Variants in BMPER observed in about 807,000 individuals in gnomAD.
The protein encoded by BMPER is BMP-binding endothelial regulator protein.
In BMPER, 45 loss-of-function variants were observed where a neutral mutation model predicts 87.3. That is an observed-to-expected ratio of 0.52 (90% CI 0.41 to 0.66). The LOEUF is 0.66. Ranked by LOEUF, BMPER falls within the 30% of genes least tolerant of loss-of-function variation. The pLI is 0.00. For missense variants in BMPER, 784 were observed against 867.5 expected (o/e 0.90, Z 1.21); for synonymous variants, 326 against 316.2 (o/e 1.03, Z -0.33).
At chr7:34,113,667 A>G (rs185423810) in intron 13 of BMPER, among the ~76,000 whole-genome samples, 4 of 152,182 alleles carry the variant, frequency 2.6e-5, no homozygotes, top group African/African-American at 9.6e-5. Context: ...GTTCTTCATC[A>G]TGCGCCAGGT....
chr7:34,101,714 G>A lies in BMPER; in HGVS notation c.1745+15622G>A, dbSNP rs73112342. On this transcript the variant is annotated intron_variant, in intron 13 of 14. Transcript: ENST00000649409. ...GTCTGTCCTTCAGTTCTTGGGAACT[G>A]TGACCGACTTCCTGTCATGCTGGTC... 7.6e-3 allele frequency among the ~76,000 whole-genome samples: 1,151 copies of A among 152,262 alleles called. 4 individuals carry two copies. Among genetic ancestry groups the A allele is most frequent in the Non-Finnish European group, 0.013 (870 of 68,028 alleles).
chr7:34,099,894 GTT>G (rs10706249), intron 13 of BMPER, among the ~76,000 whole-genome samples: 43 of 149,974 alleles, frequency 2.9e-4, no homozygotes, highest in Admixed American at 5.3e-4. Flanking sequence ...GTCACAGTTT[GTT>G]TTTTTTTTCA....
intron 6 of BMPER, among the ~76,000 whole-genome samples, chr7:33,977,076 A>G (rs749086559): frequency 1.1e-4 from 16 of 152,198 alleles, no homozygotes; most frequent in Non-Finnish European, 2.2e-4. Flanking sequence ...CTTTAGATTA[A>G]TAGAATAAAT....
chr7:34,095,120 A>C (rs1006491967), intron 13 of BMPER, among the ~76,000 whole-genome samples: 1 of 152,218 alleles, frequency 6.6e-6, no homozygotes, highest in African/African-American at 2.4e-5. Context: ...GATTGAACTG[A>C]AGGGGAAGGT....
At chr7:33,947,383 A>G (rs536689023) in intron 3 of BMPER, among the ~76,000 whole-genome samples, 1 of 152,288 alleles carries the variant, frequency 6.6e-6, no homozygotes, top group African/African-American at 2.4e-5. Flanking sequence ...AATTGTCCAC[A>G]AGAGTTTGAT....
intron 3 of BMPER, among the ~76,000 whole-genome samples, chr7:33,961,755 G>A (rs1167122452): frequency 2.6e-5 from 4 of 152,124 alleles, no homozygotes; most frequent in Admixed American, 6.5e-5. Context: ...GGATGGTGGG[G>A]TCAGAAGCCA....
At chr7:33,938,119 C>G (rs1296338250) in intron 3 of BMPER, among the ~76,000 whole-genome samples, 1 of 152,200 alleles carries the variant, frequency 6.6e-6, no homozygotes, top group Non-Finnish European at 1.5e-5. Context: ...TGATTTTCCC[C>G]CTCTGTGGTT....
chr7:34,073,497 T>C lies in BMPER; in HGVS notation c.1079-5360T>C, dbSNP rs553388519. Among the ~76,000 whole-genome samples the C allele has an allele frequency of 3.3e-5, 5 of 152,340 alleles. No homozygotes were observed. In the South Asian group the frequency reaches 1.0e-3, roughly 32 times the overall value. On this transcript the variant is annotated intron_variant, in intron 11 of 14. Transcript: ENST00000649409. Reference sequence around the variant, plus strand: ...AATCTTATGGGACCACTGTCACTCATGTGGTTTGTTGTTGATGGAAACATC... The same window carrying C: ...AATCTTATGGGACCACTGTCACTCACGTGGTTTGTTGTTGATGGAAACATC...
chr7:34,131,664 C>A (rs10807873), intron 13 of BMPER, among the ~76,000 whole-genome samples: 1 of 151,902 alleles, frequency 6.6e-6, no homozygotes, highest in Non-Finnish European at 1.5e-5. Context: ...TTTTCCTCAC[C>A]GCCATTTGTG....
intron 13 of BMPER, among the ~76,000 whole-genome samples, chr7:34,094,738 C>T (rs957385590): frequency 6.6e-6 from 1 of 152,138 alleles, no homozygotes; most frequent in African/African-American, 2.4e-5. Context: ...GAGGACCTAC[C>T]CCATTGCTAT....
chr7:34,027,244 A>G (rs1035466792), intron 6 of BMPER, among the ~76,000 whole-genome samples: 3 of 152,134 alleles, frequency 2.0e-5, no homozygotes, highest in East Asian at 1.9e-4. Flanking sequence ...TTTTTATTAT[A>G]ACACAAAGAC....
At chr7:33,972,545 A>G (rs1785575500) in intron 5 of BMPER, among the ~76,000 whole-genome samples, 1 of 152,086 alleles carries the variant, frequency 6.6e-6, no homozygotes, top group Non-Finnish European at 1.5e-5. Context: ...TTTATACACA[A>G]GAAGAAACTA....
chr7:34,099,087 G>C (rs995282397), intron 13 of BMPER, among the ~76,000 whole-genome samples: 14 of 152,166 alleles, frequency 9.2e-5, no homozygotes, highest in African/African-American at 3.1e-4. Flanking sequence ...CCAGGAGTAA[G>C]AGCTTACACT....
At chr7:34,102,779 T>C (rs772728392) in intron 13 of BMPER, among the ~76,000 whole-genome samples, 4 of 152,158 alleles carry the variant, frequency 2.6e-5, no homozygotes, top group Non-Finnish European at 5.9e-5. Flanking sequence ...TGGACCCTCC[T>C]AACTTAGAGT....
In BMPER at chr7:34,153,279, G is replaced by GTTTCGATCC; in HGVS notation, c.*9_*17dup. On this transcript the variant is annotated 3_prime_UTR_variant, in exon 15 of 15. Transcript: ENST00000649409. ...TCCTTTGTCCCCAGCGGTGACCTTT[G>GTTTCGATCC]TTTCGATCCTTAAGACTCTGAAATC... 6.2e-7 allele frequency: 1 copy of GTTTCGATCC among 1,613,842 alleles called. No individual in the cohort carries two copies. The highest frequency in any genetic ancestry group is 8.5e-7 in the Non-Finnish European group (1 of 1,179,898).
At position 34,154,458 on chromosome 7, in the gene BMPER, C is replaced by T. The variant is rs1173519421; in HGVS notation, c.*1185C>T. 6.6e-6 allele frequency: 1 copy of T among 152,158 alleles called. No individual in the cohort carries two copies. Among genetic ancestry groups the T allele is most frequent in the African/African-American group, 2.4e-5 (1 of 41,454 alleles). 9.4% of individuals were successfully genotyped at this position (152,158 alleles called of 1,614,324 possible). The stretch of plus-strand genomic sequence containing the variant: ...CCACTGTGTCTTAAAATAAAATGTT[C>T]TGCATTGTAGTCAATAAAGGGCTTA... On this transcript the variant is annotated 3_prime_UTR_variant, in exon 15 of 15. Coordinates refer to ENST00000649409, the MANE Select transcript of BMPER (RefSeq NM_001365308.1).
chr7:33,969,375 T>C lies in BMPER; in HGVS notation c.403-954T>C, dbSNP rs1245788373. ...AAGGTGATTAGAGTCCCAATATCAA[T>C]TTGCAAATGACTCACTTAATTTATT... is the stretch of plus-strand genomic sequence containing the variant. On this transcript the variant is annotated intron_variant, in intron 4 of 14. Transcript: ENST00000649409. 2.0e-5 allele frequency among the ~76,000 whole-genome samples: 3 copies of C among 152,186 alleles called. No homozygotes were observed. In the East Asian group the frequency reaches 5.8e-4, roughly 29 times the overall value.
At chr7:33,924,408 A>G (rs1784308975) in intron 2 of BMPER, among the ~76,000 whole-genome samples, 1 of 152,120 alleles carries the variant, frequency 6.6e-6, no homozygotes, top group South Asian at 2.1e-4. Context: ...AATAACCACT[A>G]CCTACATGGC....
intron 13 of BMPER, among the ~76,000 whole-genome samples, chr7:34,088,984 A>G (rs1396662082): frequency 6.6e-6 from 1 of 152,136 alleles, no homozygotes; most frequent in African/African-American, 2.4e-5. Context: ...GTCTCATGAG[A>G]ATGTCATGTG....
Sources: gnomAD v4.1 joint callset for allele counts (sites outside exome capture counted in the v4.1 genomes callset) on GRCh38, gnomAD v4.1.1 for gene constraint, MANE v1.5 for transcripts, NCBI Gene and HGNC (gene_info 2026-07-23, HGNC 2026-07-21) for gene names.